FARS2: variants seen among roughly 807,000 people sequenced by gnomAD.
FARS2 encodes the protein phenylalanine--tRNA ligase, mitochondrial.
Under a neutral mutation model 46.4 loss-of-function variants are expected in FARS2, and 40 were observed. That is an observed-to-expected ratio of 0.86 (90% CI 0.67 to 1.12). The LOEUF (loss-of-function observed/expected upper bound fraction) is 1.12. FARS2 is among the 50% of genes most tolerant of loss of function. The pLI, the probability that FARS2 is intolerant of heterozygous loss-of-function variation, is 0.00. For missense variants in FARS2, 513 were observed against 567.9 expected, an observed-to-expected ratio of 0.90 and a Z score of 0.98; for synonymous variants, 234 against 214.9, an observed-to-expected ratio of 1.09 and a Z score of -0.78.
intron 6 of FARS2, among the ~76,000 whole-genome samples, chr6:5,710,070 G>T (rs564615269): frequency 6.6e-6 from 1 of 152,308 alleles, no homozygotes; most frequent in Admixed American, 6.5e-5. Context: ...GAGATGAGTG[G>T]TTGGGCCTGC....
At chr6:5,568,204 G>A (rs1376000346) in intron 5 of FARS2, among the ~76,000 whole-genome samples, 1 of 152,008 alleles carries the variant, frequency 6.6e-6, no homozygotes, top group African/African-American at 2.4e-5. Flanking sequence ...TGTCACTCTT[G>A]TAATATGCGG....
intron 1 of FARS2, among the ~76,000 whole-genome samples, chr6:5,344,189 G>GTT (rs1001190213): frequency 6.6e-6 from 1 of 152,176 alleles, no homozygotes; most frequent in Non-Finnish European, 1.5e-5. Flanking sequence ...CACTGCAGCT[G>GTT]TTTCCTGTAG....
intron 6 of FARS2, among the ~76,000 whole-genome samples, chr6:5,714,561 AC>A (rs1348160264): frequency 6.6e-6 from 1 of 151,954 alleles, no homozygotes; most frequent in African/African-American, 2.4e-5. Flanking sequence ...AAAAAACAGA[AC>A]CTTTTGAAGA....
At chr6:5,640,700 C>G (rs1776774049) in intron 6 of FARS2, among the ~76,000 whole-genome samples, 1 of 152,198 alleles carries the variant, frequency 6.6e-6, no homozygotes, top group African/African-American at 2.4e-5. Context: ...CACAAATTAA[C>G]CTAACAATAC....
rs955134941 is a variant in FARS2, at chr6:5,343,667, C to G, written c.-21-24883C>G. Among the ~76,000 whole-genome samples, 1 of 152,122 alleles carries G rather than the reference C, an allele frequency of 6.6e-6. No individual in the cohort carries two copies. Among genetic ancestry groups the G allele is most frequent in the Admixed American group, 6.5e-5 (1 of 15,276 alleles). ...CTTCTGTACATTAAGTTTTTATCACCTTTAACAGGAATGTGTCGTGACTGA... is the reference window on the plus strand; with the variant it reads ...CTTCTGTACATTAAGTTTTTATCACGTTTAACAGGAATGTGTCGTGACTGA... On this transcript the variant is annotated intron_variant, in intron 1 of 6. Coordinates refer to ENST00000274680, the MANE Select transcript of FARS2 (RefSeq NM_006567.5). The surrounding 1 kb of genome is among the most constrained non-coding windows in gnomAD (Gnocchi z 4.5).
intron 1 of FARS2, among the ~76,000 whole-genome samples, chr6:5,318,834 C>T (rs556659618): frequency 6.6e-6 from 1 of 152,186 alleles, no homozygotes; most frequent in South Asian, 2.1e-4. Context: ...ATCAGAGGTA[C>T]TTTCATTTCC....
chr6:5,522,297 A>G (rs979456577), intron 4 of FARS2, among the ~76,000 whole-genome samples: 6 of 152,188 alleles, frequency 3.9e-5, no homozygotes, highest in Admixed American at 6.5e-5. Context: ...CTTAGATGCC[A>G]CTAGCAAGAG....
intron 6 of FARS2, among the ~76,000 whole-genome samples, chr6:5,703,869 T>C (rs1758584286): frequency 6.6e-6 from 1 of 152,180 alleles, no homozygotes; most frequent in Non-Finnish European, 1.5e-5. Flanking sequence ...TCCTGGCTTC[T>C]CCTTCTCTTA....
chr6:5,754,744 A>G (rs758250872), intron 6 of FARS2, among the ~76,000 whole-genome samples: 1 of 151,868 alleles, frequency 6.6e-6, no homozygotes, highest in African/African-American at 2.4e-5. Context: ...TAGCTCCTGA[A>G]CTCTTTGTAG....
At chr6:5,737,271 G>A (rs911330014) in intron 6 of FARS2, among the ~76,000 whole-genome samples, 2 of 152,344 alleles carry the variant, frequency 1.3e-5, no homozygotes, top group South Asian at 4.1e-4. Flanking sequence ...AATGGCTCAC[G>A]CCTATAATCC....
chr6:5,554,525 C>T (rs1452568693), intron 5 of FARS2, among the ~76,000 whole-genome samples: 1 of 152,158 alleles, frequency 6.6e-6, no homozygotes, highest in East Asian at 1.9e-4. Context: ...CTGGGAGTTT[C>T]TTAAGGCCAG....
At chr6:5,694,117 G>A (rs976060161) in intron 6 of FARS2, among the ~76,000 whole-genome samples, 1 of 152,208 alleles carries the variant, frequency 6.6e-6, no homozygotes, top group Non-Finnish European at 1.5e-5. Flanking sequence ...GCTCTATGTA[G>A]AGGTTTCTGT....
intron 4 of FARS2, among the ~76,000 whole-genome samples, chr6:5,505,778 G>A (rs1356363064): frequency 1.3e-5 from 2 of 152,202 alleles, no homozygotes; most frequent in Non-Finnish European, 2.9e-5. Flanking sequence ...AGAAAAGGAA[G>A]ACAGCAGATG....
chr6:5,351,141 TA>T (rs1331669553), intron 1 of FARS2, among the ~76,000 whole-genome samples: 3 of 152,230 alleles, frequency 2.0e-5, no homozygotes. Context: ...GTATTGCATT[TA>T]TTCCACAGAG....
intron 6 of FARS2, among the ~76,000 whole-genome samples, chr6:5,690,903 A>C (rs910513218): frequency 1.3e-5 from 2 of 152,098 alleles, no homozygotes; most frequent in Non-Finnish European, 2.9e-5. Context: ...ATTTATTTTT[A>C]TTCTTTTTTC....
intron 1 of FARS2, among the ~76,000 whole-genome samples, chr6:5,364,550 T>G (rs1364759256): frequency 6.6e-6 from 1 of 151,444 alleles, no homozygotes; most frequent in East Asian, 1.9e-4. Flanking sequence ...TGTAGAAAAA[T>G]TTTTCAGTAG....
intron 1 of FARS2, among the ~76,000 whole-genome samples, chr6:5,288,730 G>T (rs745594388): frequency 1.3e-5 from 2 of 152,130 alleles, no homozygotes; most frequent in African/African-American, 4.8e-5. Flanking sequence ...TGGAGCTCAA[G>T]AAAATGCTCT....
At chr6:5,493,852 C>A (rs1767284191) in intron 4 of FARS2, among the ~76,000 whole-genome samples, 1 of 152,180 alleles carries the variant, frequency 6.6e-6, no homozygotes, top group South Asian at 2.1e-4. Context: ...TTATAAAGTA[C>A]AACATGCTGC....
intron 1 of FARS2, among the ~76,000 whole-genome samples, chr6:5,326,571 C>A (rs1770400232): frequency 6.6e-6 from 1 of 152,224 alleles, no homozygotes. Context: ...GGATTAGAGA[C>A]TGAGTGGCCT....
Sources: gnomAD v4.1 joint callset for allele counts (sites outside exome capture counted in the v4.1 genomes callset) on GRCh38, gnomAD v4.1.1 for gene constraint, Gnocchi (gnomAD v3.1) non-coding constraint, MANE v1.5 for transcripts, NCBI Gene and HGNC (gene_info 2026-07-23, HGNC 2026-07-21) for gene names.